Variants in IRF5 observed in about 807,000 individuals in gnomAD.
The protein encoded by IRF5 is interferon regulatory factor 5.
Under a neutral mutation model 55.1 loss-of-function variants are expected in IRF5, and 24 were observed. That is an observed-to-expected ratio of 0.44 (90% CI 0.32 to 0.61). The LOEUF is 0.61. Ranked by LOEUF, IRF5 falls within the 20% of genes least tolerant of loss-of-function variation. IRF5 has a pLI of 0.07. For synonymous variants in IRF5, 258 were observed against 260.2 expected (o/e 0.99, Z 0.08); for missense variants, 499 against 658.5 (o/e 0.76, Z 2.65).
intron 1 of IRF5, chr7:128,940,758 G>T (rs1452707823): frequency 6.6e-6 from 1 of 152,438 alleles, no homozygotes; most frequent in Non-Finnish European, 1.5e-5. Context: ...CCTGGGCCAG[G>T]CAAGGGCCGG....
At chr7:128,944,994 TAGAA>T (rs1396608998) in intron 2 of IRF5, among the ~76,000 whole-genome samples, 1 of 152,190 alleles carries the variant, frequency 6.6e-6, no homozygotes, top group Non-Finnish European at 1.5e-5. Flanking sequence ...GGTTAAAAGG[TAGAA>T]AGAAATGTTG....
At chr7:128,945,811 G>T in intron 2 of IRF5, 34 bp from the exon 3 acceptor site, 1 of 1,589,474 alleles carries the variant, frequency 6.3e-7, no homozygotes, top group Non-Finnish European at 8.5e-7. Context: ...CAGGGATGAG[G>T]TTCTCTGTGG....
At chr7:128,938,967 G>A (rs1563070333) in intron 1 of IRF5, among the ~76,000 whole-genome samples, 2 of 150,538 alleles carry the variant, frequency 1.3e-5, no homozygotes, top group Admixed American at 1.3e-4. Context: ...GAGGTCCAGA[G>A]GCCGACTCTG....
chr7:128,943,376 CT>C (rs200345101), intron 2 of IRF5, among the ~76,000 whole-genome samples: 4,445 of 136,602 alleles, frequency 0.033, 88 homozygotes, highest in East Asian at 0.065. Context: ...CATATATACT[CT>C]TTTTTTTTTT....
chr7:128,940,019 G>A (rs879681375), intron 1 of IRF5, among the ~76,000 whole-genome samples: 13 of 152,202 alleles, frequency 8.5e-5, no homozygotes, highest in Admixed American at 2.0e-4. Flanking sequence ...GTTAGAGCTC[G>A]TGTGGACCTA....
chr7:128,941,593 G>A (rs765789152), intron 1 of IRF5, among the ~76,000 whole-genome samples: 3 of 152,202 alleles, frequency 2.0e-5, no homozygotes, highest in Non-Finnish European at 2.9e-5. Flanking sequence ...AATCGAACTA[G>A]GGGTGTAGAC....
chr7:128,939,427 GGCA>G (rs1224402771), intron 1 of IRF5, among the ~76,000 whole-genome samples: 2 of 152,160 alleles, frequency 1.3e-5, no homozygotes, highest in Non-Finnish European at 2.9e-5. Flanking sequence ...GGACCAGGTG[GGCA>G]GCAGGGCCCA....
In IRF5 at chr7:128,948,730, G is replaced by A. The variant is rs1166950093; in HGVS notation, c.1457G>A (p.Arg486Gln). 27 of 1,613,652 alleles carry A rather than the reference G, an allele frequency of 1.7e-5. No homozygotes were observed. Among genetic ancestry groups the A allele is most frequent in the South Asian group, 1.1e-4 (10 of 91,092 alleles). Residue 486 changes from arginine to glutamine, a missense_variant, in exon 9 of 9, where the codon CGG becomes CAG. This residue lies in a region of IRF5 where 194 missense variants were observed against 318.3 expected (regional missense o/e 0.61). Coordinates refer to ENST00000357234, the MANE Select transcript of IRF5 (RefSeq NM_001098629.3). The surrounding 1 kb of genome is among the most constrained non-coding windows in gnomAD (Gnocchi z 4.6). ...CATCACATCTGGCAGTCCCAGCAGC[G>A]GTTGCAGCCTGTGGCCCAGGCCCCT... is the stretch of plus-strand genomic sequence containing the variant. The part of the protein sequence containing the change: ...ELHHIWQSQQ[R>Q]LQPVAQAPPG...
chr7:128,945,767 C>G lies in IRF5; in HGVS notation c.196-78C>G, dbSNP rs142554157. On this transcript the variant is annotated intron_variant, in intron 2 of 8. Transcript: ENST00000357234. ...CGAAGTTCTCCCCACACAGTAGAGT[C>G]TCCTATGGGACAGGAGGCAGACTGG... The G allele has an allele frequency of 1.3e-5, 18 of 1,411,718 alleles. No homozygotes were observed. In the East Asian group the frequency reaches 4.3e-4, roughly 34 times the overall value. The allele number at this position is 1,411,718 out of a possible 1,614,324, so 87.4% of individuals were successfully genotyped here.
At chr7:128,945,202 TC>T (rs1232531051) in intron 2 of IRF5, among the ~76,000 whole-genome samples, 1 of 152,126 alleles carries the variant, frequency 6.6e-6, no homozygotes, top group Non-Finnish European at 1.5e-5. Context: ...AGCCTTGAAC[TC>T]CCCAGCTCAA....
At chr7:128,942,042 T>C in intron 1 of IRF5, 29 bp from the exon 2 acceptor site, 1 of 1,551,456 alleles carries the variant, frequency 6.4e-7, no homozygotes, top group Non-Finnish European at 8.7e-7. Flanking sequence ...GCAGACCTGC[T>C]GAGGCTCCCC....
Position 128,945,910 on chromosome 7 carries a change from G to A in IRF5, c.261G>A (p.Lys87=). 6.2e-7 allele frequency: 1 copy of A among 1,613,712 alleles called. No individual in the cohort carries two copies. The highest frequency in any genetic ancestry group is 8.5e-7 in the Non-Finnish European group (1 of 1,179,886). ...ATGAAGCCGATCCGGCCAAGTGGAA[G>A]GCCAACCTGCGCTGTGCCCTTAACA... ...GVDEADPAKW[K]ANLRCALNKS... is the part of the protein sequence containing the mutation. Residue 87 remains lysine (K), a synonymous_variant, in exon 3 of 9, where the codon AAG becomes AAA. Transcript: ENST00000357234.
Position 128,946,659 on chromosome 7 carries a change from G to A in IRF5, c.447+97G>A, listed in dbSNP as rs1411931949. ...CGCAGCCCCACTCCCATGGAGCCCC[G>A]TGGCCCTCTCAATAGTTCTCCTTGT... On this transcript the variant is annotated intron_variant, in intron 4 of 8. Coordinates refer to ENST00000357234, the MANE Select transcript of IRF5 (RefSeq NM_001098629.3). The surrounding 1 kb of genome is among the most constrained non-coding windows in gnomAD (Gnocchi z 4.2). 4 of 807,298 alleles carry A rather than the reference G, an allele frequency of 5.0e-6. No individual in the cohort carries two copies. Among genetic ancestry groups the A allele is most frequent in the Admixed American group, 4.1e-5 (2 of 48,924 alleles). 50.0% of individuals were successfully genotyped at this position (807,298 alleles called of 1,614,324 possible).
Position 128,946,658 on chromosome 7 carries a change from C to CG in IRF5, c.447+97dup. The CG allele has an allele frequency of 1.2e-6, 1 of 810,696 alleles. No homozygotes were observed. Among genetic ancestry groups the CG allele is most frequent in the Non-Finnish European group, 2.1e-6 (1 of 485,430 alleles). 50.2% of individuals were successfully genotyped at this position (810,696 alleles called of 1,614,324 possible). A position where few individuals can be genotyped will look rare whatever the true frequency, so the allele number is the denominator to read the frequency against. On this transcript the variant is annotated intron_variant, in intron 4 of 8. Coordinates refer to ENST00000357234, the MANE Select transcript of IRF5 (RefSeq NM_001098629.3). This position sits in a 1 kb window ranked among gnomAD's most constrained non-coding sequence, Gnocchi z 4.2. ...CCGCAGCCCCACTCCCATGGAGCCC[C>CG]GTGGCCCTCTCAATAGTTCTCCTTG... is the stretch of plus-strand genomic sequence containing the variant.
At chr7:128,941,994 C>T in intron 1 of IRF5, 77 bp from the exon 2 acceptor site, 1 of 1,111,564 alleles carries the variant, frequency 9.0e-7, no homozygotes, top group South Asian at 1.5e-5. Context: ...CTTTGTGGTC[C>T]ATAGCTTGAC....
chr7:128,946,870 G>T lies in IRF5; in HGVS notation c.448-153G>T, dbSNP rs1796332957. Reference sequence around the variant, plus strand: ...TGACCTGCCTGGGATGGACGAGCTGGGACCGGAGGCAGGGTCTTGCCTGAG... The same window carrying T: ...TGACCTGCCTGGGATGGACGAGCTGTGACCGGAGGCAGGGTCTTGCCTGAG... On this transcript the variant is annotated intron_variant, in intron 4 of 8. Transcript: ENST00000357234. This position sits in a 1 kb window ranked among gnomAD's most constrained non-coding sequence, Gnocchi z 4.2. 1 of 904,886 alleles carries T rather than the reference G, an allele frequency of 1.1e-6. No individual in the cohort carries two copies. The highest frequency in any genetic ancestry group is 1.8e-6 in the Non-Finnish European group (1 of 564,836). 56.1% of individuals were successfully genotyped at this position (904,886 alleles called of 1,614,324 possible).
rs1200645994 is a variant in IRF5, at chr7:128,948,298, A to G, written c.1269A>G (p.Lys423=). ...FCFGEEWPDR[K]PREKKLITVQ... ...TTGGGGAAGAATGGCCTGACCGCAA[A>G]CCCCGAGAGAAGAAGCTCATTACTG... is the stretch of plus-strand genomic sequence containing the variant. The change falls in exon 8 of 9, where the codon AAA becomes AAG. Residue 423 remains lysine (K), a synonymous_variant. Transcript: ENST00000357234. This position sits in a 1 kb window ranked among gnomAD's most constrained non-coding sequence, Gnocchi z 4.6. The G allele has an allele frequency of 3.1e-6, 5 of 1,608,354 alleles. No individual in the cohort carries two copies. The highest frequency in any genetic ancestry group is 2.7e-5 in the African/African-American group (2 of 74,276).
Position 128,947,273 on chromosome 7 carries a change from CAA to C in IRF5, c.527_528del (p.Lys176ArgfsTer56), listed in dbSNP as rs762453821. On this transcript the variant is annotated frameshift_variant, in exon 6 of 9. Transcript: ENST00000357234. LOFTEE classifies it high-confidence loss of function. This position sits in a 1 kb window ranked among gnomAD's most constrained non-coding sequence, Gnocchi z 6.5. ...GPHMTPYSLL[K>X]EDVKWPPTLQ... is the part of the protein sequence containing the mutation. ...CCCACATGACACCCTATTCTTTACTCAAAGAGGATGTCAAGTGGCCGCCCACT... is the reference window on the plus strand; with the variant it reads ...CCCACATGACACCCTATTCTTTACTCAGAGGATGTCAAGTGGCCGCCCACT... 9 of 1,610,906 alleles carry C rather than the reference CAA, an allele frequency of 5.6e-6. No individual in the cohort carries two copies. In the African/African-American group the frequency reaches 9.4e-5, roughly 17 times the overall value.
At chr7:128,944,395 T>A (rs745476611) in intron 2 of IRF5, among the ~76,000 whole-genome samples, 3 of 152,236 alleles carry the variant, frequency 2.0e-5, no homozygotes, top group Non-Finnish European at 4.4e-5. Flanking sequence ...TCAAAGGCAA[T>A]GCTTATTTTT....
Sources: gnomAD v4.1 joint callset for allele counts (sites outside exome capture counted in the v4.1 genomes callset) on GRCh38, gnomAD v4.1.1 for gene constraint, gnomAD v4.1.1 regional missense constraint, Gnocchi (gnomAD v3.1) non-coding constraint, MANE v1.5 for transcripts, NCBI Gene and HGNC (gene_info 2026-07-23, HGNC 2026-07-21) for gene names.